Variants in RBFOX1 observed in about 807,000 individuals in gnomAD.
RBFOX1 encodes the protein RNA binding fox-1 homolog 1, also known as RNA binding protein fox-1 homolog 1.
Under a neutral mutation model 57.7 loss-of-function variants are expected in RBFOX1, and 8 were observed. The ratio of observed to expected loss-of-function variants is 0.14; its 90% CI spans 0.08 to 0.25. RBFOX1 has a LOEUF of 0.25. RBFOX1 is among the 10% of genes least tolerant of loss of function. RBFOX1 has a pLI of 1.00. For synonymous variants in RBFOX1, 326 were observed against 222.4 expected (o/e 1.47, Z -4.15); for missense variants, 611 against 548.5 (o/e 1.11, Z -1.14).
chr16:5,457,661 C>A (rs1007260853), intron 1 of RBFOX1, among the ~76,000 whole-genome samples: 2 of 152,206 alleles, frequency 1.3e-5, no homozygotes, highest in African/African-American at 4.8e-5. Context: ...TGTCTTAGTG[C>A]AGATACTGCT....
chr16:6,804,262 C>T (rs1331694635), intron 3 of RBFOX1, among the ~76,000 whole-genome samples: 3 of 151,828 alleles, frequency 2.0e-5, no homozygotes, highest in Non-Finnish European at 4.4e-5. Context: ...CCCACCTCAG[C>T]CTCCCAAAGT....
intron 2 of RBFOX1, among the ~76,000 whole-genome samples, chr16:6,639,487 A>T (rs1439687577): frequency 6.6e-6 from 1 of 152,170 alleles, no homozygotes; most frequent in Non-Finnish European, 1.5e-5. Flanking sequence ...AGGAATTAAG[A>T]CAGTTTTTAG....
chr16:6,969,037 G>A (rs979116967), intron 3 of RBFOX1, among the ~76,000 whole-genome samples: 3 of 151,888 alleles, frequency 2.0e-5, no homozygotes, highest in Non-Finnish European at 4.4e-5. Flanking sequence ...TTTTTCTCCT[G>A]TAGTTAATAC....
At chr16:5,368,396 G>A (rs1273128731) in intron 1 of RBFOX1, among the ~76,000 whole-genome samples, 1 of 152,140 alleles carries the variant, frequency 6.6e-6, no homozygotes, top group Non-Finnish European at 1.5e-5. Flanking sequence ...CCTAACCAAT[G>A]TGGGTTTTCA....
chr16:7,050,858 AT>A (rs978767968), intron 3 of RBFOX1, among the ~76,000 whole-genome samples: 3 of 151,906 alleles, frequency 2.0e-5, no homozygotes, highest in Admixed American at 6.6e-5. Context: ...GCCTCTGCAT[AT>A]TTTTTTAAGA....
chr16:7,670,751 C>G (rs947759491), intron 13 of RBFOX1, among the ~76,000 whole-genome samples: 2 of 152,132 alleles, frequency 1.3e-5, no homozygotes, highest in African/African-American at 4.8e-5. Flanking sequence ...CCCTCAGTCT[C>G]TTCAAGTGTT....
intron 5 of RBFOX1, among the ~76,000 whole-genome samples, chr16:7,518,812 C>T (rs2076940344): frequency 6.6e-6 from 1 of 152,074 alleles, no homozygotes; most frequent in Admixed American, 6.6e-5. Flanking sequence ...CGTTTGAAGA[C>T]AGGAGTTCGA....
At chr16:7,454,770 A>G (rs1249311835) in intron 4 of RBFOX1, among the ~76,000 whole-genome samples, 1 of 152,218 alleles carries the variant, frequency 6.6e-6, no homozygotes. Flanking sequence ...GCAATTGCCC[A>G]TCTGTGTTTT....
At chr16:7,050,015 C>T (rs1405039893) in intron 3 of RBFOX1, among the ~76,000 whole-genome samples, 2 of 152,312 alleles carry the variant, frequency 1.3e-5, no homozygotes, top group East Asian at 1.9e-4. Flanking sequence ...TCCTCCTTTT[C>T]CATTAACCCA....
chr16:5,562,309 G>C (rs2045916568), intron 2 of RBFOX1, among the ~76,000 whole-genome samples: 1 of 152,202 alleles, frequency 6.6e-6, no homozygotes, highest in South Asian at 2.1e-4. Flanking sequence ...TTAGAAGTCA[G>C]ACAGCTGCCC....
chr16:5,512,024 A>AC, intron 2 of RBFOX1, among the ~76,000 whole-genome samples: 1 of 152,274 alleles, frequency 6.6e-6, no homozygotes, highest in African/African-American at 2.4e-5. Context: ...ATTTCAAAGG[A>AC]CCCCAAACCA....
At chr16:7,487,768 C>G (rs1050572116) in intron 4 of RBFOX1, among the ~76,000 whole-genome samples, 22 of 152,176 alleles carry the variant, frequency 1.4e-4, no homozygotes, top group African/African-American at 5.1e-4. Context: ...CCTCCTCATT[C>G]AGCACTTGGA....
At chr16:6,969,961 G>A (rs924792785) in intron 3 of RBFOX1, among the ~76,000 whole-genome samples, 15 of 152,140 alleles carry the variant, frequency 9.9e-5, no homozygotes, top group East Asian at 1.9e-4. Flanking sequence ...ATAAGGACAC[G>A]TGTTATTTTA....
At chr16:5,883,072 T>A (rs1347446386) in intron 4 of RBFOX1, among the ~76,000 whole-genome samples, 1 of 152,202 alleles carries the variant, frequency 6.6e-6, no homozygotes, top group Non-Finnish European at 1.5e-5. Context: ...GCCAGTTTAT[T>A]GGCACAGGAT....
chr16:6,294,041 G>C (rs911089525), intron 1 of RBFOX1, among the ~76,000 whole-genome samples: 1 of 152,136 alleles, frequency 6.6e-6, no homozygotes, highest in African/African-American at 2.4e-5. Context: ...TTTCAACTAG[G>C]TGTGGTGGTA....
At chr16:5,385,373 A>G (rs922756099) in intron 1 of RBFOX1, among the ~76,000 whole-genome samples, 26 of 152,228 alleles carry the variant, frequency 1.7e-4, no homozygotes, top group Non-Finnish European at 2.4e-4. Context: ...GAGAGGATGT[A>G]AAATATTTCC....
At chr16:5,653,895 GA>G (rs2049334075) in intron 3 of RBFOX1, among the ~76,000 whole-genome samples, 1 of 152,188 alleles carries the variant, frequency 6.6e-6, no homozygotes, top group Non-Finnish European at 1.5e-5. Context: ...CTCGGCCCCT[GA>G]AAGATGAGAG....
At chr16:7,146,635 G>T (rs1170323464) in intron 4 of RBFOX1, among the ~76,000 whole-genome samples, 1 of 152,088 alleles carries the variant, frequency 6.6e-6, no homozygotes, top group Non-Finnish European at 1.5e-5. Flanking sequence ...CAGAAACTCA[G>T]AACCCAGCAG....
chr16:6,977,603 G>A (rs1217401918), intron 3 of RBFOX1, among the ~76,000 whole-genome samples: 1 of 152,066 alleles, frequency 6.6e-6, no homozygotes, highest in Non-Finnish European at 1.5e-5. Context: ...ATGGATTTCT[G>A]TGGACTCCAA....
Sources: allele counts gnomAD v4.1 joint callset (sites outside exome capture counted in the v4.1 genomes callset), GRCh38; gene constraint gnomAD v4.1.1; transcripts MANE v1.5; gene names NCBI Gene and HGNC (gene_info 2026-07-23, HGNC 2026-07-21).